Variants in CARS2 observed in about 807,000 individuals in gnomAD.
CARS2 encodes probable cysteine--tRNA ligase, mitochondrial.
A neutral mutation model predicts 68.8 loss-of-function variants in CARS2; 52 were observed. The ratio of observed to expected loss-of-function variants is 0.76; its 90% confidence interval spans 0.61 to 0.95. CARS2 has a LOEUF of 0.95. CARS2 is among the 40% of genes least tolerant of loss of function. CARS2 has a pLI of 0.00. For missense variants in CARS2, 780 were observed against 754.2 expected, an observed-to-expected ratio of 1.03 and a Z score of -0.40; for synonymous variants, 314 against 303.6, an observed-to-expected ratio of 1.03 and a Z score of -0.36.
At position 110,667,071 on chromosome 13, in the gene CARS2, TTAA is replaced by T. The variant is rs1434373233; in HGVS notation, c.919+266_919+268del. The T allele has an allele frequency of 1.5e-5, 9 of 615,418 alleles. No individual in the cohort carries two copies. In the Middle Eastern group the frequency reaches 3.2e-3, roughly 217 times the overall value. 38.1% of individuals were successfully genotyped at this position (615,418 alleles called of 1,614,324 possible). On this transcript the variant is annotated intron_variant, in intron 8 of 14. Coordinates refer to ENST00000257347, the MANE Select transcript of CARS2 (RefSeq NM_024537.4). ...ACATTGTACTACTTCAAGTTCCTTC[TTAA>T]TAGTTTTACTTGAAAGAAACCTTAT...
chr13:110,683,076 C>T lies in CARS2; in HGVS notation c.630G>A (p.Val210=). 6.2e-7 allele frequency: 1 copy of T among 1,602,444 alleles called. No individual in the cohort carries two copies. The highest frequency in any genetic ancestry group is 8.5e-7 in the Non-Finnish European group (1 of 1,176,008). ...RGDKYGKLVG[V]VPGPVGEPAD... Reference sequence around the variant, plus strand: ...CTGGCTCTCCGACTGGACCAGGGACCACGCCGACCAATTTGCCATACTTGT... The same window carrying T: ...CTGGCTCTCCGACTGGACCAGGGACTACGCCGACCAATTTGCCATACTTGT... Residue 210 remains valine (V), a synonymous_variant, in exon 6 of 15, where the codon GTG becomes GTA. Transcript: ENST00000257347.
At chr13:110,685,992 G>GAAAAAAAAAAAAAAAAAAAAAAAAAA (rs10668818) in intron 5 of CARS2, among the ~76,000 whole-genome samples, 2 of 128,706 alleles carry the variant, frequency 1.6e-5, no homozygotes, top group African/African-American at 3.0e-5. Flanking sequence ...CAGAAAAAAT[G>GAAAAAAAAAAAAAAAAAAAAAAAAAA]AAAAAAAAAA....
intron 8 of CARS2, chr13:110,664,372 G>T (rs866212408): frequency 3.7e-6 from 1 of 267,014 alleles, no homozygotes; most frequent in Non-Finnish European, 5.8e-6. Flanking sequence ...AGCTGGGCGT[G>T]GTGGGGCACA....
In CARS2 at chr13:110,693,313, G is replaced by C. The variant is rs117624281; in HGVS notation, c.394-5295C>G. 2.1e-3 allele frequency among the ~76,000 whole-genome samples: 313 copies of C among 152,146 alleles called. 5 individuals are homozygous for C. The highest frequency in any genetic ancestry group is 3.6e-3 in the Non-Finnish European group (246 of 68,022). On this transcript the variant is annotated intron_variant, in intron 3 of 14. Coordinates refer to ENST00000257347, the MANE Select transcript of CARS2 (RefSeq NM_024537.4). ...CTCACAAATGCTACAATGACAAGGAGTTGTAAGTGGAATACCCACCTACTG... is the reference window on the plus strand; with the variant it reads ...CTCACAAATGCTACAATGACAAGGACTTGTAAGTGGAATACCCACCTACTG...
At chr13:110,649,931 C>CTGTTTTTT (rs1249270267) in intron 10 of CARS2, among the ~76,000 whole-genome samples, 12 of 73,186 alleles carry the variant, frequency 1.6e-4, no homozygotes, top group African/African-American at 3.6e-4. Flanking sequence ...TGGATAACGA[C>CTGTTTTTT]TTTTTTTTTT....
intron 1 of CARS2, chr13:110,712,911 G>C (rs1349144247): frequency 1.3e-6 from 2 of 1,540,602 alleles, no homozygotes; most frequent in Non-Finnish European, 1.8e-6. Context: ...AAGGGAGGGC[G>C]GTGACGGATG....
At chr13:110,693,516 C>T (rs560427062) in intron 3 of CARS2, among the ~76,000 whole-genome samples, 69 of 152,160 alleles carry the variant, frequency 4.5e-4, no homozygotes, top group African/African-American at 1.4e-3. Flanking sequence ...CCCGCCACCA[C>T]GCCCGGCTAA....
chr13:110,675,623 G>A (rs542065996), intron 7 of CARS2, among the ~76,000 whole-genome samples: 2 of 152,174 alleles, frequency 1.3e-5, no homozygotes, highest in South Asian at 4.1e-4. Context: ...GAGTTAATGG[G>A]TGCAGCACAC....
intron 6 of CARS2, among the ~76,000 whole-genome samples, chr13:110,678,815 A>T (rs568705495): frequency 6.6e-6 from 1 of 152,142 alleles, no homozygotes; most frequent in Non-Finnish European, 1.5e-5. Context: ...ACAACAGGGA[A>T]AAAGCGGACC....
upstream of CARS2, among the ~76,000 whole-genome samples, chr13:110,710,193 C>T (rs899125869): frequency 9.9e-5 from 15 of 152,090 alleles, no homozygotes; most frequent in Non-Finnish European, 1.6e-4. Context: ...CCAGCCTGGG[C>T]CAACATGACA....
intron 9 of CARS2, among the ~76,000 whole-genome samples, chr13:110,662,094 G>A (rs2062517541): frequency 6.6e-6 from 1 of 152,248 alleles, no homozygotes. Flanking sequence ...CCTTCAATCT[G>A]TAAAGACACA....
intron 14 of CARS2, 99 bp downstream of exon 14, chr13:110,642,216 A>G: frequency 2.1e-6 from 2 of 930,394 alleles, no homozygotes; most frequent in East Asian, 2.7e-5. Context: ...TCAAAAAAAA[A>G]GCATGGTCAC....
chr13:110,680,266 C>G (rs1252313449), intron 6 of CARS2, among the ~76,000 whole-genome samples: 1 of 151,942 alleles, frequency 6.6e-6, no homozygotes, highest in African/African-American at 2.4e-5. Flanking sequence ...GTGGCATGCC[C>G]CTGTAATCCC....
chr13:110,687,691 A>AT, intron 5 of CARS2, 30 bp downstream of exon 5: 5 of 1,208,784 alleles, frequency 4.1e-6, no homozygotes, highest in Non-Finnish European at 5.8e-6. Flanking sequence ...AAAAAAAAAA[A>AT]GAAAAAAAAA....
At chr13:110,674,290 G>A (rs1316689831) in intron 7 of CARS2, among the ~76,000 whole-genome samples, 1 of 152,014 alleles carries the variant, frequency 6.6e-6, no homozygotes, top group East Asian at 1.9e-4. Context: ...CAAAGCTGGA[G>A]GCATCATGCT....
At chr13:110,693,429 G>A (rs894960246) in intron 3 of CARS2, among the ~76,000 whole-genome samples, 3 of 151,770 alleles carry the variant, frequency 2.0e-5, no homozygotes, top group South Asian at 2.1e-4. Context: ...GCGCAATCTC[G>A]GCTCACTGTA....
chr13:110,662,787 C>A, intron 9 of CARS2: 1 of 255,534 alleles, frequency 3.9e-6, no homozygotes, highest in South Asian at 3.9e-5. Flanking sequence ...GTTGGTGTAT[C>A]CTAAATCTGA....
chr13:110,690,701 GACAGAGGGC>G (rs1311177255), intron 3 of CARS2, among the ~76,000 whole-genome samples: 1 of 152,218 alleles, frequency 6.6e-6, no homozygotes, highest in Non-Finnish European at 1.5e-5. Flanking sequence ...GTAGGCAGGA[GACAGAGGGC>G]ACAGGCTCAT....
chr13:110,648,327 C>T (rs1888410335), intron 10 of CARS2: 1 of 152,216 alleles, frequency 6.6e-6, no homozygotes, highest in Admixed American at 6.5e-5. Flanking sequence ...CCATTAATGA[C>T]ACAGCAAGAT....
Sources: allele counts gnomAD v4.1 joint callset (sites outside exome capture counted in the v4.1 genomes callset), GRCh38; gene constraint gnomAD v4.1.1; transcripts MANE v1.5; gene names NCBI Gene and HGNC (gene_info 2026-07-23, HGNC 2026-07-21).